The following PILRA variants were observed in gnomAD, a reference collection of about 807,000 sequenced individuals.
PILRA encodes paired immunoglobulin-like type 2 receptor alpha.
A neutral mutation model predicts 33.1 loss-of-function variants in PILRA; 37 were observed. The ratio of observed to expected loss-of-function variants is 1.12; its 90% CI spans 0.86 to 1.47. PILRA has a LOEUF of 1.47. Ranked by LOEUF, PILRA falls within the 40% of genes most tolerant of loss-of-function variation. The pLI, the probability that PILRA is intolerant of heterozygous loss-of-function variation, is 0.00. For synonymous variants in PILRA, 146 were observed against 149.9 expected, an observed-to-expected ratio of 0.97 and a Z score of 0.19; for missense variants, 312 against 376.2, an observed-to-expected ratio of 0.83 and a Z score of 1.41.
chr7:100,393,210 G>A (rs185395020), intron 3 of PILRA, among the ~76,000 whole-genome samples: 15 of 151,990 alleles, frequency 9.9e-5, no homozygotes, highest in African/African-American at 3.4e-4. Flanking sequence ...AACCTAGGAA[G>A]TGAAGGCTGC....
chr7:100,393,623 G>A (rs1419185867), intron 3 of PILRA, among the ~76,000 whole-genome samples: 1 of 152,122 alleles, frequency 6.6e-6, no homozygotes, highest in Non-Finnish European at 1.5e-5. Context: ...ACAGAGTTGG[G>A]TTATTTTTTT....
intron 2 of PILRA, among the ~76,000 whole-genome samples, chr7:100,381,224 C>G (rs1159071575): frequency 6.6e-6 from 1 of 152,120 alleles, no homozygotes; most frequent in Non-Finnish European, 1.5e-5. Context: ...CGAGATCGCG[C>G]CACTGCACTC....
intron 1 of PILRA, 64 bp downstream of exon 1, chr7:100,373,784 C>A: frequency 6.3e-7 from 1 of 1,594,292 alleles, no homozygotes. Context: ...CAACCCGAGA[C>A]AAAGGTGGGA....
rs188554448 is a variant in PILRA at position 100,375,530 on chromosome 7, G to A, written c.454+1097G>A. Among the ~76,000 whole-genome samples, 36 of 152,252 alleles carry A rather than the reference G, an allele frequency of 2.4e-4. No homozygotes were observed. In the East Asian group the frequency reaches 6.8e-3, roughly 29 times the overall value. The stretch of plus-strand genomic sequence containing the variant: ...GTGGATCACTTGAGGTCAGGAGTTC[G>A]AGACCAGCCTGGCCAACATGGTGAA... On this transcript the variant is annotated intron_variant, in intron 2 of 6. Transcript: ENST00000198536.
chr7:100,399,445 C>A, intron 5 of PILRA, 105 bp downstream of exon 5: 1 of 1,381,066 alleles, frequency 7.2e-7, no homozygotes, highest in Admixed American at 1.7e-5. Context: ...TTTCTTCTTT[C>A]CATTCCTTGC....
chr7:100,383,266 G>A (rs928558311), intron 2 of PILRA, among the ~76,000 whole-genome samples: 3 of 152,192 alleles, frequency 2.0e-5, no homozygotes, highest in African/African-American at 2.4e-5. Context: ...ACAGAAATGT[G>A]TAGAGAGGAA....
At chr7:100,394,593 C>CAAAAAAA (rs60131231) in intron 3 of PILRA, among the ~76,000 whole-genome samples, 1 of 47,340 alleles carries the variant, frequency 2.1e-5, no homozygotes, top group African/African-American at 8.0e-5. Flanking sequence ...GATTCTATCT[C>CAAAAAAA]AAAAAAAAAA....
At chr7:100,384,703 G>A (rs1197841197) in intron 2 of PILRA, among the ~76,000 whole-genome samples, 2 of 152,094 alleles carry the variant, frequency 1.3e-5, no homozygotes, top group African/African-American at 2.4e-5. Flanking sequence ...TGGGAAGATC[G>A]CTTGAGCCCA....
chr7:100,375,053 C>G (rs1790914232), intron 2 of PILRA, among the ~76,000 whole-genome samples: 1 of 152,138 alleles, frequency 6.6e-6, no homozygotes, highest in South Asian at 2.1e-4. Flanking sequence ...CCTCTTCTCT[C>G]GTGTATCATA....
At chr7:100,375,348 T>A (rs115329049) in intron 2 of PILRA, among the ~76,000 whole-genome samples, 1,771 of 152,276 alleles carry the variant, frequency 0.012, 34 homozygotes, top group African/African-American at 0.04. Context: ...GAACTGCTAT[T>A]CTCTTCAGTT....
chr7:100,381,848 G>C (rs1221298410), intron 2 of PILRA, among the ~76,000 whole-genome samples: 1 of 152,206 alleles, frequency 6.6e-6, no homozygotes, highest in African/African-American at 2.4e-5. Flanking sequence ...CGGGCAGTGA[G>C]GGACTTAGCA....
chr7:100,384,704 C>A (rs1254621339), intron 2 of PILRA, among the ~76,000 whole-genome samples: 1 of 152,156 alleles, frequency 6.6e-6, no homozygotes, highest in African/African-American at 2.4e-5. Flanking sequence ...GGGAAGATCG[C>A]TTGAGCCCAG....
chr7:100,376,391 T>C (rs184546013), intron 2 of PILRA: 24 of 152,148 alleles, frequency 1.6e-4, no homozygotes, highest in African/African-American at 5.5e-4. Context: ...TTTTCACTAA[T>C]AAATTGTATT....
chr7:100,383,648 T>C (rs1791176152), intron 2 of PILRA, among the ~76,000 whole-genome samples: 1 of 151,892 alleles, frequency 6.6e-6, no homozygotes, highest in African/African-American at 2.4e-5. Flanking sequence ...TTTTTTTTAA[T>C]TTTTTTGTGA....
chr7:100,374,045 T>A lies in PILRA; in HGVS notation c.66T>A (p.Ser22Arg), dbSNP rs1584208216. 1 of 1,613,404 alleles carries A rather than the reference T, an allele frequency of 6.2e-7. No homozygotes were observed. ...CTACTCACTCCCTCCCTCCTCTAGG[T>A]GGCTCCACAGGATCTGGTCCAAGCT... ...LLLPPAFLQPSGSTGSGPSYL... is the reference protein window; with the variant it reads ...LLLPPAFLQPRGSTGSGPSYL... Residue 22 changes from serine (S) to arginine (R), a missense_variant and splice_region_variant, in exon 2 of 7, where the codon AGT becomes AGA. Coordinates refer to ENST00000198536, the MANE Select transcript of PILRA (RefSeq NM_013439.3).
At chr7:100,394,704 G>C (rs1387816312) in intron 3 of PILRA, among the ~76,000 whole-genome samples, 1 of 150,274 alleles carries the variant, frequency 6.7e-6, no homozygotes, top group Non-Finnish European at 1.5e-5. Flanking sequence ...ATGGTCAAAA[G>C]ACTTGACAAG....
At chr7:100,378,204 T>C (rs1304721311) in intron 2 of PILRA, among the ~76,000 whole-genome samples, 4 of 150,400 alleles carry the variant, frequency 2.7e-5, no homozygotes, top group Non-Finnish European at 5.9e-5. Flanking sequence ...AAAAAAAAAT[T>C]AGCCAGTTGT....
At chr7:100,399,519 C>T (rs1415436721) in intron 5 of PILRA, 62 bp from the exon 6 acceptor site, 1 of 1,586,512 alleles carries the variant, frequency 6.3e-7, no homozygotes, top group East Asian at 2.2e-5. Flanking sequence ...AGCCCCCTGC[C>T]CATCTCTCTC....
In PILRA at chr7:100,373,678, C is replaced by G. The variant is rs878916402; in HGVS notation, c.22C>G (p.Pro8Ala). Residue 8 changes from proline to alanine, a missense_variant, in exon 1 of 7, where the codon CCC (proline) becomes GCC (alanine). Transcript: ENST00000198536. ...GGCCATGGGTCGGCCCCTGCTGCTG[C>G]CCCTACTGCCCTTGCTGCTGCCGCC... is the stretch of plus-strand genomic sequence containing the variant. MGRPLLL[P>A]LLPLLLPPAF... is the part of the protein sequence containing the mutation. 1 of 1,613,316 alleles carries G rather than the reference C, an allele frequency of 6.2e-7. No individual in the cohort carries two copies.
Sources: gnomAD v4.1 joint callset for allele counts (sites outside exome capture counted in the v4.1 genomes callset) on GRCh38, gnomAD v4.1.1 for gene constraint, MANE v1.5 for transcripts, NCBI Gene and HGNC (gene_info 2026-07-23, HGNC 2026-07-21) for gene names.